Variants in NRG1 observed in about 807,000 individuals in gnomAD.
The protein encoded by NRG1 is pro-neuregulin-1, membrane-bound isoform.
Under a neutral mutation model 63.8 loss-of-function variants are expected in NRG1, and 18 were observed. The observed-to-expected ratio is 0.28, with a 90% CI of 0.19 to 0.42. The LOEUF (loss-of-function observed/expected upper bound fraction) is 0.42, where lower values mean the gene tolerates loss of function less well. NRG1 is among the 10% of genes least tolerant of loss of function. The pLI is 1.00. For missense variants in NRG1, 762 were observed against 814.7 expected (o/e 0.94, Z 0.79); for synonymous variants, 302 against 301.3 (o/e 1.00, Z -0.02).
At chr8:31,913,963 G>C (rs1833159174) in intron 1 of NRG1, among the ~76,000 whole-genome samples, 1 of 152,124 alleles carries the variant, frequency 6.6e-6, no homozygotes, top group South Asian at 2.1e-4. Flanking sequence ...ATTTAGCAAA[G>C]AGGCAAACAA....
intron 1 of NRG1, among the ~76,000 whole-genome samples, chr8:32,407,296 A>ATATATATATATATATATATATAT (rs1279538448): frequency 3.1e-4 from 2 of 6,394 alleles, no homozygotes; most frequent in Admixed American, 2.4e-3. Flanking sequence ...TATATATATT[A>ATATATATATATATATATATATAT]TATATATATA....
chr8:31,760,212 G>GA (rs1348157892), intron 1 of NRG1, among the ~76,000 whole-genome samples: 1 of 152,064 alleles, frequency 6.6e-6, no homozygotes, highest in Non-Finnish European at 1.5e-5. Context: ...AATCCATCTT[G>GA]AATTAATTTT....
At chr8:32,080,965 TTC>T (rs1159487142) in intron 1 of NRG1, among the ~76,000 whole-genome samples, 2 of 152,088 alleles carry the variant, frequency 1.3e-5, no homozygotes, top group East Asian at 1.9e-4. Flanking sequence ...GTTGTCAGAA[TTC>T]TCTCTTGTTT....
chr8:32,110,951 A>G (rs547566647), intron 1 of NRG1, among the ~76,000 whole-genome samples: 1 of 152,302 alleles, frequency 6.6e-6, no homozygotes, highest in South Asian at 2.1e-4. Context: ...AGTGAAAGGT[A>G]CAGAAATGAA....
intron 1 of NRG1, among the ~76,000 whole-genome samples, chr8:31,823,117 CTTTTTTTTT>C (rs147209584): frequency 2.6e-5 from 2 of 77,964 alleles, no homozygotes; most frequent in East Asian, 4.3e-4. Flanking sequence ...TGTCCTTGTT[CTTTTTTTTT>C]TTTTTTTTTT....
At chr8:32,485,993 T>C (rs1276669141) in intron 1 of NRG1, among the ~76,000 whole-genome samples, 1 of 152,126 alleles carries the variant, frequency 6.6e-6, no homozygotes, top group Non-Finnish European at 1.5e-5. Context: ...AATGGAGTGA[T>C]CTCAGCTCAC....
At chr8:32,602,010 T>A (rs1369207580) in intron 2 of NRG1, among the ~76,000 whole-genome samples, 1 of 152,154 alleles carries the variant, frequency 6.6e-6, no homozygotes, top group Non-Finnish European at 1.5e-5. Context: ...TGTCACCAGT[T>A]TTCGTACGTG....
At chr8:32,186,460 CAAAAAAA>C (rs748750103) in intron 1 of NRG1, among the ~76,000 whole-genome samples, 46 of 52,232 alleles carry the variant, frequency 8.8e-4, no homozygotes, top group Non-Finnish European at 1.7e-3. Context: ...GACTCCGTCT[CAAAAAAA>C]AAAAAAAAAG....
chr8:32,465,844 A>G (rs1271407378), intron 1 of NRG1, among the ~76,000 whole-genome samples: 1 of 152,222 alleles, frequency 6.6e-6, no homozygotes, highest in African/African-American at 2.4e-5. Context: ...GGAGAGAAAT[A>G]CTTCAGATAA....
At chr8:32,057,224 G>T (rs78760837) in intron 1 of NRG1, among the ~76,000 whole-genome samples, 3 of 152,078 alleles carry the variant, frequency 2.0e-5, no homozygotes, top group Admixed American at 1.3e-4. Flanking sequence ...TAGACATAGT[G>T]TGTTTATATT....
At chr8:31,819,551 T>C (rs975835878) in intron 1 of NRG1, among the ~76,000 whole-genome samples, 6 of 152,218 alleles carry the variant, frequency 3.9e-5, no homozygotes, top group Admixed American at 2.6e-4. Flanking sequence ...CTTTTACATA[T>C]TGTTCATATT....
At chr8:31,987,690 G>T (rs1333730562) in intron 1 of NRG1, among the ~76,000 whole-genome samples, 1 of 151,812 alleles carries the variant, frequency 6.6e-6, no homozygotes, top group East Asian at 1.9e-4. Context: ...CCAAACCCCA[G>T]CAACATGCAA....
At chr8:32,158,570 C>T (rs2131888535) in intron 1 of NRG1, among the ~76,000 whole-genome samples, 1 of 148,984 alleles carries the variant, frequency 6.7e-6, no homozygotes, top group South Asian at 2.1e-4. Context: ...AACTTGTTTC[C>T]CTAAGTAAAA....
chr8:32,511,169 G>A (rs1217312436), intron 1 of NRG1, among the ~76,000 whole-genome samples: 1 of 150,412 alleles, frequency 6.6e-6, no homozygotes, highest in Admixed American at 6.6e-5. Flanking sequence ...AATGGGAACT[G>A]TTCCAATTCA....
At chr8:32,521,486 G>A (rs1181525384) in intron 1 of NRG1, among the ~76,000 whole-genome samples, 1 of 152,096 alleles carries the variant, frequency 6.6e-6, no homozygotes, top group Non-Finnish European at 1.5e-5. Context: ...AATACAACAC[G>A]AATGCCCCCA....
intron 1 of NRG1, among the ~76,000 whole-genome samples, chr8:31,901,220 T>G (rs1194422322): frequency 6.6e-6 from 1 of 152,192 alleles, no homozygotes; most frequent in Non-Finnish European, 1.5e-5. Flanking sequence ...TGTGGTGATA[T>G]TCACAAAAGC....
chr8:32,734,847 T>C (rs17731774), intron 6 of NRG1, among the ~76,000 whole-genome samples: 17,024 of 152,208 alleles, frequency 0.11, 1,036 homozygotes, highest in African/African-American at 0.12. Flanking sequence ...AAAAATCAGT[T>C]GAGCAGCCAT....
At chr8:32,614,489 A>G in intron 3 of NRG1, 25 bp from the exon 4 acceptor site, 1 of 1,610,942 alleles carries the variant, frequency 6.2e-7, no homozygotes, top group African/African-American at 1.3e-5. Flanking sequence ...ATATATCATA[A>G]TGTCCTATCA....
chr8:32,075,231 A>T (rs1390153119), intron 1 of NRG1, among the ~76,000 whole-genome samples: 1 of 152,224 alleles, frequency 6.6e-6, no homozygotes, highest in South Asian at 2.1e-4. Context: ...TCCAAAATAT[A>T]CACTTCCAAA....
Sources: gnomAD v4.1 joint callset for allele counts (sites outside exome capture counted in the v4.1 genomes callset) on GRCh38, gnomAD v4.1.1 for gene constraint, MANE v1.5 for transcripts, NCBI Gene and HGNC (gene_info 2026-07-23, HGNC 2026-07-21) for gene names.